The following CLEC16A variants were observed in gnomAD, a reference collection of about 807,000 sequenced individuals.
The protein encoded by CLEC16A is protein CLEC16A.
A neutral mutation model predicts 109.5 loss-of-function variants in CLEC16A; 51 were observed. The observed-to-expected ratio is 0.47, with a 90% CI of 0.37 to 0.59. The LOEUF is 0.59. Ranked by LOEUF, CLEC16A falls within the 20% of genes least tolerant of loss-of-function variation. CLEC16A has a pLI of 0.00. For synonymous variants in CLEC16A, 673 were observed against 564.2 expected (o/e 1.19, Z -2.73); for missense variants, 1,339 against 1,394.0 (o/e 0.96, Z 0.63).
chr16:11,116,585 C>G (rs2052011291), intron 19 of CLEC16A, among the ~76,000 whole-genome samples: 1 of 152,090 alleles, frequency 6.6e-6, no homozygotes, highest in Non-Finnish European at 1.5e-5. Context: ...ACAGGTTACA[C>G]TGTCGGAGGA....
chr16:11,077,226 T>G (rs1350961679), intron 19 of CLEC16A, among the ~76,000 whole-genome samples: 2 of 151,764 alleles, frequency 1.3e-5, no homozygotes, highest in Non-Finnish European at 2.9e-5. Context: ...TCCCAGCACT[T>G]TGGGAGGCTG....
intron 18 of CLEC16A, among the ~76,000 whole-genome samples, chr16:11,056,128 G>T (rs1218904111): frequency 1.3e-5 from 2 of 152,168 alleles, no homozygotes; most frequent in Non-Finnish European, 2.9e-5. Context: ...AGAACTTTGG[G>T]CTTAGGCTGG....
chr16:11,050,031 A>C (rs1366178100), intron 17 of CLEC16A, among the ~76,000 whole-genome samples: 1 of 152,242 alleles, frequency 6.6e-6, no homozygotes, highest in Non-Finnish European at 1.5e-5. Context: ...AGAATACCAC[A>C]GACTTAATTT....
chr16:11,172,495 G>A (rs2068564058), intron 23 of CLEC16A, among the ~76,000 whole-genome samples: 1 of 152,100 alleles, frequency 6.6e-6, no homozygotes, highest in African/African-American at 2.4e-5. Flanking sequence ...ACAGAAAACT[G>A]TTTGATCAAA....
At chr16:11,128,228 A>G (rs1407612787) in intron 22 of CLEC16A, among the ~76,000 whole-genome samples, 3 of 152,268 alleles carry the variant, frequency 2.0e-5, no homozygotes. Context: ...CAAGCGGCCC[A>G]TTCTTCAGCA....
chr16:11,108,368 A>C (rs977835228), intron 19 of CLEC16A, among the ~76,000 whole-genome samples: 9 of 152,380 alleles, frequency 5.9e-5, no homozygotes, highest in African/African-American at 1.9e-4. Context: ...GGACCTTGCC[A>C]AGGCAGTCCA....
intron 22 of CLEC16A, among the ~76,000 whole-genome samples, chr16:11,133,159 C>T (rs1450738328): frequency 6.6e-6 from 1 of 152,000 alleles, no homozygotes; most frequent in Non-Finnish European, 1.5e-5. Flanking sequence ...GCCGACATGG[C>T]GAAACCTCGT....
intron 1 of CLEC16A, 62 bp from the exon 2 acceptor site, chr16:10,957,720 A>G (rs556465529): frequency 2.8e-4 from 443 of 1,566,878 alleles, no homozygotes; most frequent in Non-Finnish European, 3.7e-4. Context: ...GCTAATGGTC[A>G]TGGAACTTGG....
chr16:11,097,412 T>C (rs1426028619), intron 19 of CLEC16A, among the ~76,000 whole-genome samples: 1 of 152,246 alleles, frequency 6.6e-6, no homozygotes, highest in African/African-American at 2.4e-5. Context: ...CCTTTTAATA[T>C]TTCCATTGTG....
At chr16:11,053,078 A>G (rs1281932082) in intron 18 of CLEC16A, among the ~76,000 whole-genome samples, 1 of 152,022 alleles carries the variant, frequency 6.6e-6, no homozygotes, top group East Asian at 1.9e-4. Flanking sequence ...TTTTATAGAG[A>G]TGAAGTCTTG....
chr16:11,108,310 G>A (rs2051347598), intron 19 of CLEC16A, among the ~76,000 whole-genome samples: 1 of 152,260 alleles, frequency 6.6e-6, no homozygotes, highest in South Asian at 2.1e-4. Flanking sequence ...GCCAAAGAAG[G>A]AACTAGGTCT....
At chr16:11,090,733 C>T (rs1179980067) in intron 19 of CLEC16A, among the ~76,000 whole-genome samples, 2 of 151,990 alleles carry the variant, frequency 1.3e-5, no homozygotes, top group East Asian at 1.9e-4. Context: ...CAACCTCTCC[C>T]TCCCTGGTTC....
chr16:11,083,502 G>A (rs2070829770), intron 19 of CLEC16A, among the ~76,000 whole-genome samples: 1 of 152,184 alleles, frequency 6.6e-6, no homozygotes, highest in South Asian at 2.1e-4. Flanking sequence ...GGATTTAAGT[G>A]TGGAGGCCCC....
intron 1 of CLEC16A, among the ~76,000 whole-genome samples, chr16:10,956,198 T>C (rs576930193): frequency 3.3e-5 from 5 of 152,372 alleles, no homozygotes; most frequent in African/African-American, 1.2e-4. Flanking sequence ...TTCTAATTAC[T>C]GCATATTAAA....
intron 10 of CLEC16A, among the ~76,000 whole-genome samples, chr16:10,986,099 C>T (rs979819288): frequency 2.2e-5 from 3 of 134,276 alleles, no homozygotes; most frequent in Non-Finnish European, 4.6e-5. Context: ...GGCACGATCT[C>T]AGCTCACTGC....
chr16:11,139,972 C>G (rs567714854), intron 22 of CLEC16A, among the ~76,000 whole-genome samples: 5 of 152,330 alleles, frequency 3.3e-5, no homozygotes, highest in African/African-American at 1.2e-4. Flanking sequence ...ATTAGTCCTA[C>G]TTTTATAGCT....
intron 12 of CLEC16A, among the ~76,000 whole-genome samples, 176 bp downstream of exon 12, chr16:11,020,501 C>T (rs915989217): frequency 2.0e-5 from 3 of 152,258 alleles, no homozygotes; most frequent in African/African-American, 7.2e-5. Flanking sequence ...ACGGAGCCAT[C>T]ACTCAACACT....
Position 11,051,578 on chromosome 16 carries a change from G to T in CLEC16A, c.1932G>T (p.Thr644=), listed in dbSNP as rs975417059. 5 of 1,613,924 alleles carry T rather than the reference G, an allele frequency of 3.1e-6. No individual in the cohort carries two copies. The highest frequency in any genetic ancestry group is 2.2e-5 in the East Asian group (1 of 44,894). The change falls in exon 18 of 24, where the codon ACG becomes ACT. Residue 644 remains threonine, a synonymous_variant. Coordinates refer to ENST00000409790, the MANE Select transcript of CLEC16A (RefSeq NM_015226.3). ...CCATCCTGCTGCCCCCAACAGGCAC[G>T]CCACTGACGGGCATTGACTTCGTGA... ...DASILLPPTG[T]PLTGIDFVKR...
intron 10 of CLEC16A, among the ~76,000 whole-genome samples, chr16:10,996,941 C>T (rs572304206): frequency 6.6e-6 from 1 of 152,316 alleles, no homozygotes; most frequent in Admixed American, 6.5e-5. Flanking sequence ...TGAAAATCCT[C>T]TTGGTAAACT....
Sources: gnomAD v4.1 joint callset for allele counts (sites outside exome capture counted in the v4.1 genomes callset) on GRCh38, gnomAD v4.1.1 for gene constraint, MANE v1.5 for transcripts, NCBI Gene and HGNC (gene_info 2026-07-23, HGNC 2026-07-21) for gene names.